TMCO4: variants seen among roughly 807,000 people sequenced by gnomAD.
TMCO4 encodes the protein transmembrane and coiled-coil domain-containing protein 4.
A neutral mutation model predicts 64.7 loss-of-function variants in TMCO4; 58 were observed. The observed-to-expected ratio is 0.90, with a 90% CI of 0.73 to 1.12. The LOEUF (loss-of-function observed/expected upper bound fraction) is 1.12, where lower values mean the gene tolerates loss of function less well. Among genes scored for constraint, TMCO4 ranks in the 50% most tolerant of loss-of-function variants. TMCO4 has a pLI of 0.00. For synonymous variants in TMCO4, 325 were observed against 346.1 expected (o/e 0.94, Z 0.68); for missense variants, 780 against 825.9 (o/e 0.94, Z 0.68).
At chr1:19,736,667 C>T (rs751849502) in intron 13 of TMCO4, among the ~76,000 whole-genome samples, 2 of 152,218 alleles carry the variant, frequency 1.3e-5, no homozygotes, top group Non-Finnish European at 2.9e-5. Context: ...CTGGAGACCT[C>T]ACCTACCCAA....
chr1:19,726,109 G>A (rs2095407696), intron 13 of TMCO4, among the ~76,000 whole-genome samples: 1 of 152,220 alleles, frequency 6.6e-6, no homozygotes, highest in Non-Finnish European at 1.5e-5. Context: ...TGACACAGAG[G>A]GGACAAAACA....
intron 15 of TMCO4, among the ~76,000 whole-genome samples, chr1:19,692,084 A>G (rs1192232789): frequency 6.6e-6 from 1 of 152,210 alleles, no homozygotes; most frequent in Non-Finnish European, 1.5e-5. Context: ...CTTTATCAGC[A>G]GCGTGAAAAT....
rs1015723699 is a variant in TMCO4 at position 19,787,028 on chromosome 1, A to G, written c.-11T>C. On this transcript the variant is annotated splice_region_variant and 5_prime_UTR_variant, in exon 3 of 16. Coordinates refer to ENST00000294543, the MANE Select transcript of TMCO4 (RefSeq NM_181719.7). ...GAAAAGAAACCTTCAATACTTACCC[A>G]GATTTCAAGAAACAGCCGTGGGCCT... 6.6e-6 allele frequency: 1 copy of G among 152,304 alleles called. No homozygotes were observed. The highest frequency in any genetic ancestry group is 1.5e-5 in the Non-Finnish European group (1 of 68,040). 9.4% of individuals were successfully genotyped at this position (152,304 alleles called of 1,614,324 possible). A position where few individuals can be genotyped will look rare whatever the true frequency, so the allele number is the denominator to read the frequency against.
chr1:19,773,304 C>T (rs923512612), intron 4 of TMCO4, among the ~76,000 whole-genome samples: 5 of 152,106 alleles, frequency 3.3e-5, no homozygotes, highest in African/African-American at 1.2e-4. Flanking sequence ...GGATCAACAC[C>T]CTGGGGAGGG....
At chr1:19,759,792 G>A (rs2042418595) in intron 6 of TMCO4, among the ~76,000 whole-genome samples, 1 of 152,202 alleles carries the variant, frequency 6.6e-6, no homozygotes. Flanking sequence ...TAGGTTTATT[G>A]TCTGGCTTTC....
At chr1:19,740,405 T>C (rs932795613) in intron 11 of TMCO4, among the ~76,000 whole-genome samples, 1 of 152,190 alleles carries the variant, frequency 6.6e-6, no homozygotes, top group Non-Finnish European at 1.5e-5. Flanking sequence ...GAGAGACAAA[T>C]GGAGCAGAGC....
intron 6 of TMCO4, among the ~76,000 whole-genome samples, chr1:19,757,224 GA>G (rs1407444069): frequency 6.6e-6 from 1 of 151,954 alleles, no homozygotes; most frequent in African/African-American, 2.4e-5. Flanking sequence ...GCACCTGGCT[GA>G]CAATTCAAAT....
At chr1:19,688,282 T>C (rs1293139761) in intron 15 of TMCO4, among the ~76,000 whole-genome samples, 1 of 152,158 alleles carries the variant, frequency 6.6e-6, no homozygotes, top group Non-Finnish European at 1.5e-5. Flanking sequence ...CTCACCTCTG[T>C]GCCCCACAGC....
intron 13 of TMCO4, among the ~76,000 whole-genome samples, chr1:19,712,798 G>T (rs532642906): frequency 6.6e-6 from 1 of 152,278 alleles, no homozygotes; most frequent in East Asian, 1.9e-4. Context: ...AGCTATTGGC[G>T]TGTGACAAAC....
intron 10 of TMCO4, among the ~76,000 whole-genome samples, chr1:19,744,463 G>A (rs185763265): frequency 2.0e-3 from 305 of 152,316 alleles, no homozygotes; most frequent in Non-Finnish European, 2.7e-3. Flanking sequence ...ATACAGAGAA[G>A]TTATGTAACT....
chr1:19,691,484 T>C (rs528992775), intron 15 of TMCO4, among the ~76,000 whole-genome samples: 12 of 152,332 alleles, frequency 7.9e-5, no homozygotes, highest in Non-Finnish European at 7.4e-5. Flanking sequence ...TGTGCAATAA[T>C]TCCCCCATGT....
At chr1:19,702,130 C>T (rs924531458) in intron 13 of TMCO4, among the ~76,000 whole-genome samples, 5 of 152,036 alleles carry the variant, frequency 3.3e-5, no homozygotes, top group Non-Finnish European at 5.9e-5. Context: ...CCACCACACC[C>T]GGCTAATCTT....
chr1:19,781,144 CAAAAAAAA>C (rs535767635), intron 3 of TMCO4, among the ~76,000 whole-genome samples: 5 of 52,604 alleles, frequency 9.5e-5, no homozygotes, highest in African/African-American at 3.8e-4. Flanking sequence ...GACTCCATCT[CAAAAAAAA>C]AAAAAAAAAA....
At chr1:19,786,348 G>T (rs1413934728) in intron 3 of TMCO4, among the ~76,000 whole-genome samples, 1 of 152,170 alleles carries the variant, frequency 6.6e-6, no homozygotes, top group Non-Finnish European at 1.5e-5. Flanking sequence ...GAGTCAGAGG[G>T]ATCCCAAGAT....
At chr1:19,683,758 C>CTTTTTTTTTTTT (rs531431284) in intron 15 of TMCO4, among the ~76,000 whole-genome samples, 2 of 79,048 alleles carry the variant, frequency 2.5e-5, no homozygotes, top group African/African-American at 1.0e-4. Context: ...TTGTCTGAAG[C>CTTTTTTTTTTTT]TTTTTTTTTT....
chr1:19,770,654 T>G, intron 5 of TMCO4, 85 bp from the exon 6 acceptor site: 1 of 1,423,650 alleles, frequency 7.0e-7, no homozygotes, highest in Non-Finnish European at 9.6e-7. Flanking sequence ...TCCTACCAAG[T>G]GGCAGAACAA....
intron 13 of TMCO4, among the ~76,000 whole-genome samples, chr1:19,725,995 C>T (rs566995443): frequency 6.6e-6 from 1 of 152,328 alleles, no homozygotes; most frequent in East Asian, 1.9e-4. Flanking sequence ...CTGCAAGAAG[C>T]CCTCACAGCA....
At chr1:19,737,257 T>C (rs1405652392) in intron 13 of TMCO4, 115 bp downstream of exon 13, 1 of 1,051,340 alleles carries the variant, frequency 9.5e-7, no homozygotes, top group East Asian at 2.4e-5. Flanking sequence ...TTTTAACTAT[T>C]ATTTCTAAGA....
At chr1:19,788,380 A>T (rs994529855) in intron 2 of TMCO4, among the ~76,000 whole-genome samples, 1 of 152,122 alleles carries the variant, frequency 6.6e-6, no homozygotes, top group East Asian at 1.9e-4. Context: ...ACTCTCTAGA[A>T]AGTTATTTTG....
Sources: gnomAD v4.1 joint callset for allele counts (sites outside exome capture counted in the v4.1 genomes callset) on GRCh38, gnomAD v4.1.1 for gene constraint, MANE v1.5 for transcripts, NCBI Gene and HGNC (gene_info 2026-07-23, HGNC 2026-07-21) for gene names.